KDM4C: variants seen among roughly 807,000 people sequenced by gnomAD.
KDM4C encodes the protein lysine-specific demethylase 4C.
A neutral mutation model predicts 129.3 loss-of-function variants in KDM4C; 81 were observed. The ratio of observed to expected loss-of-function variants is 0.63; its 90% confidence interval spans 0.52 to 0.75. KDM4C has a LOEUF of 0.75. Among genes scored for constraint, KDM4C ranks in the 30% least tolerant of loss-of-function variants. The probability of loss-of-function intolerance (pLI) is 0.00; values close to 1 mark genes in which losing one functional copy is unlikely to be tolerated. For synonymous variants in KDM4C, 573 were observed against 456.1 expected (o/e 1.26, Z -3.26); for missense variants, 1,457 against 1,304.0 (o/e 1.12, Z -1.81).
intron 5 of KDM4C, among the ~76,000 whole-genome samples, chr9:6,852,350 T>C (rs1292136511): frequency 6.6e-6 from 1 of 152,194 alleles, no homozygotes; most frequent in Non-Finnish European, 1.5e-5. Flanking sequence ...TATTATGCAC[T>C]AGTGCATGTG....
chr9:6,857,508 C>A (rs1474342969), intron 5 of KDM4C, among the ~76,000 whole-genome samples: 1 of 152,144 alleles, frequency 6.6e-6, no homozygotes, highest in Non-Finnish European at 1.5e-5. Flanking sequence ...ACATTGATCT[C>A]TGTGGACCAC....
At chr9:6,749,981 C>G (rs1387555928) in intron 1 of KDM4C, among the ~76,000 whole-genome samples, 1 of 99,490 alleles carries the variant, frequency 1.0e-5, no homozygotes, top group Admixed American at 1.3e-4. Flanking sequence ...AGTGAAACTC[C>G]TTCTCAAAAA....
chr9:7,052,434 C>T (rs1830271322), intron 17 of KDM4C, among the ~76,000 whole-genome samples: 1 of 152,180 alleles, frequency 6.6e-6, no homozygotes, highest in South Asian at 2.1e-4. Context: ...GCACGTCAGG[C>T]TTATAATGAC....
intron 1 of KDM4C, among the ~76,000 whole-genome samples, chr9:6,741,930 T>C (rs753958298): frequency 5.3e-5 from 8 of 151,706 alleles, no homozygotes; most frequent in Non-Finnish European, 1.2e-4. Flanking sequence ...TTTTCTTTTT[T>C]TTTTCTAATG....
chr9:7,150,479 G>A (rs779960287), intron 19 of KDM4C, among the ~76,000 whole-genome samples: 6 of 152,196 alleles, frequency 3.9e-5, no homozygotes, highest in Admixed American at 1.3e-4. Context: ...GTGTGTATTT[G>A]AGTCCCCAGC....
At chr9:6,844,996 A>T (rs1164436119) in intron 4 of KDM4C, among the ~76,000 whole-genome samples, 1 of 152,174 alleles carries the variant, frequency 6.6e-6, no homozygotes, top group Non-Finnish European at 1.5e-5. Context: ...CCTAGGACCC[A>T]TATTTCTAAT....
At chr9:6,897,655 G>C (rs1306211726) in intron 8 of KDM4C, among the ~76,000 whole-genome samples, 1 of 152,120 alleles carries the variant, frequency 6.6e-6, no homozygotes, top group Non-Finnish European at 1.5e-5. Context: ...TTCCTCCTGT[G>C]CTACATGTGT....
At chr9:6,775,277 A>G (rs918980799) in intron 1 of KDM4C, among the ~76,000 whole-genome samples, 4 of 151,990 alleles carry the variant, frequency 2.6e-5, no homozygotes, top group South Asian at 4.1e-4. Flanking sequence ...TCGGCCTCCC[A>G]AAGTGCTGGG....
chr9:6,839,589 T>G (rs1020050422), intron 4 of KDM4C, among the ~76,000 whole-genome samples: 1 of 152,028 alleles, frequency 6.6e-6, no homozygotes, highest in African/African-American at 2.4e-5. Flanking sequence ...TACTTAAAAT[T>G]TTAAAGTGTT....
At chr9:6,804,965 A>G (rs550641539) in intron 2 of KDM4C, among the ~76,000 whole-genome samples, 102 of 151,582 alleles carry the variant, frequency 6.7e-4, no homozygotes, top group African/African-American at 2.5e-3. Flanking sequence ...CAGTGGCGCG[A>G]TCTCAGCTCA....
At position 6,896,145 on chromosome 9, in the gene KDM4C, C is replaced by T. The variant is rs140354239; in HGVS notation, c.921+2913C>T. 2.8e-3 allele frequency among the ~76,000 whole-genome samples: 419 copies of T among 152,246 alleles called. 3 individuals are homozygous for T. Among genetic ancestry groups the T allele is most frequent in the African/African-American group, 9.2e-3 (382 of 41,548 alleles). ...CTGGAAACTGATGTGTAGTGAATTG[C>T]ACTAAAAAGACTTTTAGCATTGAGG... On this transcript the variant is annotated intron_variant, in intron 8 of 21. Coordinates refer to ENST00000381309, the MANE Select transcript of KDM4C (RefSeq NM_015061.6).
At chr9:6,973,978 A>G (rs774060528) in intron 8 of KDM4C, 8 of 152,176 alleles carry the variant, frequency 5.3e-5, no homozygotes, top group African/African-American at 1.7e-4. Context: ...AGACCCTTCA[A>G]TTACTCATTA....
chr9:7,026,968 A>C (rs1458101957), intron 15 of KDM4C, among the ~76,000 whole-genome samples: 1 of 152,036 alleles, frequency 6.6e-6, no homozygotes, highest in African/African-American at 2.4e-5. Context: ...CGTTAAGTTT[A>C]TCTGATATAA....
At chr9:6,832,593 T>C (rs1835058859) in intron 4 of KDM4C, among the ~76,000 whole-genome samples, 1 of 148,986 alleles carries the variant, frequency 6.7e-6, no homozygotes. Context: ...GCCCAGCTAA[T>C]TTTTTGTATT....
chr9:6,832,197 G>A (rs183112422), intron 4 of KDM4C, among the ~76,000 whole-genome samples: 3,212 of 151,294 alleles, frequency 0.021, 41 homozygotes, highest in Non-Finnish European at 0.032. Flanking sequence ...AAAATTAGCC[G>A]GGCGTGGTGG....
intron 4 of KDM4C, among the ~76,000 whole-genome samples, chr9:6,820,025 T>TG (rs926433782): frequency 6.6e-6 from 1 of 150,658 alleles, no homozygotes; most frequent in Non-Finnish European, 1.5e-5. Context: ...CGTTTTTTGG[T>TG]GGGGGTGGGA....
intron 1 of KDM4C, among the ~76,000 whole-genome samples, chr9:6,791,156 G>T (rs1826518879): frequency 6.6e-6 from 1 of 152,052 alleles, no homozygotes; most frequent in African/African-American, 2.4e-5. Flanking sequence ...CCATCACCCA[G>T]GCTGGAGTGC....
intron 1 of KDM4C, among the ~76,000 whole-genome samples, chr9:6,790,193 C>T (rs917443921): frequency 2.0e-5 from 3 of 150,916 alleles, no homozygotes; most frequent in Non-Finnish European, 3.0e-5. Context: ...CGTGAGCCAC[C>T]GCGCCTGGCC....
chr9:6,813,090 C>T (rs1564072113), intron 3 of KDM4C, among the ~76,000 whole-genome samples: 1 of 151,958 alleles, frequency 6.6e-6, no homozygotes, highest in Non-Finnish European at 1.5e-5. Flanking sequence ...CAGGAGAATC[C>T]CTTGAACCTG....
Sources: allele counts gnomAD v4.1 joint callset (sites outside exome capture counted in the v4.1 genomes callset), GRCh38; gene constraint gnomAD v4.1.1; transcripts MANE v1.5; gene names NCBI Gene and HGNC (gene_info 2026-07-23, HGNC 2026-07-21).